EXOC4: variants seen among roughly 807,000 people sequenced by gnomAD.
EXOC4 encodes SEC8-like 1.
A neutral mutation model predicts 107.2 loss-of-function variants in EXOC4; 71 were observed. That is an observed-to-expected ratio of 0.66 (90% confidence interval 0.55 to 0.81). The LOEUF is 0.81. Ranked by LOEUF, EXOC4 falls within the 30% of genes least tolerant of loss-of-function variation. EXOC4 has a pLI of 0.00. For missense variants in EXOC4, 1,108 were observed against 1,189.6 expected (o/e 0.93, Z 1.01); for synonymous variants, 456 against 441.2 (o/e 1.03, Z -0.42).
intron 11 of EXOC4, among the ~76,000 whole-genome samples, chr7:133,836,465 A>T (rs575167071): frequency 5.3e-5 from 8 of 152,086 alleles, no homozygotes; most frequent in Non-Finnish European, 1.0e-4. Context: ...TGGTTTATTT[A>T]TATTGGATTT....
chr7:133,850,506 T>C (rs1054378971), intron 11 of EXOC4, among the ~76,000 whole-genome samples: 1 of 152,132 alleles, frequency 6.6e-6, no homozygotes, highest in Non-Finnish European at 1.5e-5. Flanking sequence ...CCCAAATGAT[T>C]TTTTTTCCAC....
chr7:133,501,146 T>C (rs1799568703), intron 9 of EXOC4, among the ~76,000 whole-genome samples: 1 of 152,212 alleles, frequency 6.6e-6, no homozygotes, highest in Non-Finnish European at 1.5e-5. Context: ...CTCATTATTG[T>C]ATATATCTAT....
intron 1 of EXOC4, 116 bp downstream of exon 1, chr7:133,253,303 C>A (rs1470949370): frequency 1.4e-6 from 2 of 1,438,938 alleles, no homozygotes; most frequent in Non-Finnish European, 1.8e-6. Context: ...CCTTGCCTCC[C>A]GCAGCCCCTC....
intron 7 of EXOC4, among the ~76,000 whole-genome samples, chr7:133,423,776 C>T (rs1009959265): frequency 6.6e-5 from 10 of 151,950 alleles, no homozygotes; most frequent in South Asian, 2.1e-4. Context: ...GCCAGCGCTG[C>T]GCGCAGGCCT....
In EXOC4 at chr7:133,833,247, G is replaced by GA. The variant is rs759085567; in HGVS notation, c.1734+15715dup. Among the ~76,000 whole-genome samples, 333 of 127,978 alleles carry GA rather than the reference G, an allele frequency of 2.6e-3. 1 individual carries two copies. In the East Asian group the frequency reaches 0.029, roughly 11 times the overall value. 84.0% of individuals were successfully genotyped at this position (127,978 alleles called of 152,430 possible). A position where few individuals can be genotyped will look rare whatever the true frequency, so the allele number is the denominator to read the frequency against. ...AGGTGAATAATCAGTCCCTGAGAAGGAAAAAAAAAAAAGGCCTAGGGATGT... is the reference window on the plus strand; with the variant it reads ...AGGTGAATAATCAGTCCCTGAGAAGGAAAAAAAAAAAAAGGCCTAGGGATGT... On this transcript the variant is annotated intron_variant, in intron 11 of 17. Transcript: ENST00000253861.
chr7:133,920,677 T>A (rs1324460144), intron 13 of EXOC4, among the ~76,000 whole-genome samples: 2 of 152,222 alleles, frequency 1.3e-5, no homozygotes, highest in African/African-American at 4.8e-5. Context: ...TGTTATTATT[T>A]TGAACAAACT....
the EXOC4 span, among the ~76,000 whole-genome samples, chr7:134,084,727 A>AAAAAAAAG: frequency 0.12 from 17,106 of 144,302 alleles, 1,204 homozygotes; most frequent in African/African-American, 0.21. Flanking sequence ...AAAAAAAAAA[A>AAAAAAAAG]AAATTCACCA....
chr7:133,362,986 A>T (rs1796167719), intron 6 of EXOC4, among the ~76,000 whole-genome samples: 1 of 152,218 alleles, frequency 6.6e-6, no homozygotes, highest in South Asian at 2.1e-4. Context: ...CAGGCACCGC[A>T]TGTAGCACCT....
chr7:133,718,281 GC>G (rs987771089), intron 10 of EXOC4, among the ~76,000 whole-genome samples: 9 of 152,176 alleles, frequency 5.9e-5, no homozygotes, highest in Non-Finnish European at 1.2e-4. Context: ...GAATGAGGAA[GC>G]ATTCTTATTG....
intron 9 of EXOC4, among the ~76,000 whole-genome samples, chr7:133,523,304 C>G (rs866503870): frequency 6.6e-6 from 1 of 152,076 alleles, no homozygotes; most frequent in Non-Finnish European, 1.5e-5. Flanking sequence ...TACTAGTTTC[C>G]TATAAATTAG....
intron 7 of EXOC4, among the ~76,000 whole-genome samples, chr7:133,416,835 A>C (rs545460731): frequency 5.9e-5 from 9 of 152,296 alleles, no homozygotes; most frequent in Non-Finnish European, 1.2e-4. Context: ...GTTGGAGTAG[A>C]GGAGGAGCTG....
intron 11 of EXOC4, among the ~76,000 whole-genome samples, chr7:133,877,740 G>C (rs142334799): frequency 6.6e-6 from 1 of 152,318 alleles, no homozygotes; most frequent in Non-Finnish European, 1.5e-5. Context: ...CACAGATCTT[G>C]TGCTCACACA....
intron 13 of EXOC4, among the ~76,000 whole-genome samples, chr7:133,924,476 C>A (rs1227219154): frequency 6.6e-6 from 1 of 152,034 alleles, no homozygotes; most frequent in Non-Finnish European, 1.5e-5. Flanking sequence ...GAATTTTTAC[C>A]CTTCATGCTT....
At chr7:134,034,743 A>C (rs751855525) in intron 17 of EXOC4, among the ~76,000 whole-genome samples, 63 of 152,196 alleles carry the variant, frequency 4.1e-4, no homozygotes, top group Admixed American at 2.0e-4. Flanking sequence ...TTATAGCAGT[A>C]TGAAAACGGA....
chr7:133,288,850 C>T, intron 2 of EXOC4, 72 bp from the exon 3 acceptor site: 1 of 1,306,072 alleles, frequency 7.7e-7, no homozygotes, highest in Non-Finnish European at 1.1e-6. Context: ...CCAGTGAAGA[C>T]TACTAACCAG....
intron 9 of EXOC4, among the ~76,000 whole-genome samples, chr7:133,545,818 A>G (rs1800469210): frequency 6.6e-6 from 1 of 152,162 alleles, no homozygotes; most frequent in Non-Finnish European, 1.5e-5. Flanking sequence ...TCTCAGTTTC[A>G]TGTGGCACCC....
At chr7:133,739,208 A>G (rs1795509085) in intron 10 of EXOC4, among the ~76,000 whole-genome samples, 1 of 148,626 alleles carries the variant, frequency 6.7e-6, no homozygotes, top group South Asian at 2.2e-4. Flanking sequence ...TTACAGAAGC[A>G]CATGTAGAGG....
At chr7:133,666,465 C>A (rs915712439) in intron 10 of EXOC4, among the ~76,000 whole-genome samples, 3 of 152,086 alleles carry the variant, frequency 2.0e-5, no homozygotes, top group Non-Finnish European at 2.9e-5. Context: ...TCTATACTCA[C>A]AATATATTGT....
chr7:133,750,586 CT>C (rs60903415), intron 10 of EXOC4, among the ~76,000 whole-genome samples: 15 of 144,798 alleles, frequency 1.0e-4, no homozygotes, highest in Admixed American at 2.1e-4. Flanking sequence ...TGTTTTTAAC[CT>C]TTTTTTTTTT....
Sources: allele counts gnomAD v4.1 joint callset (sites outside exome capture counted in the v4.1 genomes callset), GRCh38; gene constraint gnomAD v4.1.1; transcripts MANE v1.5; gene names NCBI Gene and HGNC (gene_info 2026-07-23, HGNC 2026-07-21).